SNTN: variants seen among roughly 807,000 people sequenced by gnomAD.
SNTN encodes sentan, cilia apical structure protein, also known as sentan.
A neutral mutation model predicts 12.3 loss-of-function variants in SNTN; 13 were observed. The observed-to-expected ratio is 1.05, with a 90% CI of 0.69 to 1.67. The LOEUF is 1.67. Ranked by LOEUF, SNTN falls within the 40% of genes most tolerant of loss-of-function variation. The pLI is 0.00. For synonymous variants in SNTN, 69 were observed against 58.5 expected (o/e 1.18, Z -0.82); for missense variants, 189 against 169.8 (o/e 1.11, Z -0.63).
intron 2 of SNTN, among the ~76,000 whole-genome samples, chr3:63,657,533 G>A (rs1410433170): frequency 2.0e-5 from 3 of 152,190 alleles, no homozygotes; most frequent in Admixed American, 1.3e-4. Context: ...AACAACCAGA[G>A]TTCCTCGTTA....
intron 2 of SNTN, among the ~76,000 whole-genome samples, chr3:63,659,015 A>G (rs572590195): frequency 6.6e-6 from 1 of 152,236 alleles, no homozygotes; most frequent in South Asian, 2.1e-4. Context: ...TAAACATGTA[A>G]TATCTGTAAA....
chr3:63,659,986 C>A, intron 3 of SNTN, 122 bp downstream of exon 3: 1 of 1,177,994 alleles, frequency 8.5e-7, no homozygotes, highest in Non-Finnish European at 1.2e-6. Context: ...TTATTGAACA[C>A]CTACCTTATG....
intron 2 of SNTN, among the ~76,000 whole-genome samples, chr3:63,656,032 A>T (rs1700676049): frequency 6.6e-6 from 1 of 152,212 alleles, no homozygotes; most frequent in Admixed American, 6.5e-5. Flanking sequence ...TCTGATATAT[A>T]CTACCTATGT....
chr3:63,661,003 A>T (rs12487866), intron 3 of SNTN, among the ~76,000 whole-genome samples: 25,935 of 152,228 alleles, frequency 0.17, 2,264 homozygotes, highest in South Asian at 0.2. Context: ...TGTGTTGCTT[A>T]GAACTTTTCC....
At chr3:63,653,317 C>T (rs2106936857) in intron 1 of SNTN, among the ~76,000 whole-genome samples, 1 of 152,142 alleles carries the variant, frequency 6.6e-6, no homozygotes, top group African/African-American at 2.4e-5. Context: ...CCTTGAGACC[C>T]TTCTCAATCA....
intron 3 of SNTN, among the ~76,000 whole-genome samples, chr3:63,663,096 A>T (rs1700759049): frequency 6.6e-6 from 1 of 152,206 alleles, no homozygotes; most frequent in South Asian, 2.1e-4. Flanking sequence ...AACCCATAGA[A>T]GATACCTTCC....
Position 63,661,645 on chromosome 3 carries a change from TG to T in SNTN, c.285+1782del, listed in dbSNP as rs376818919. Among the ~76,000 whole-genome samples, 860 of 151,198 alleles carry T rather than the reference TG, an allele frequency of 5.7e-3. 9 individuals carry two copies. Among genetic ancestry groups the T allele is most frequent in the African/African-American group, 0.02 (830 of 41,478 alleles). ...TTTTCTAAATGTTCTATATTAAACA[TG>T]TATTTTTCTGATTTTTTTTTTTTGG... On this transcript the variant is annotated intron_variant, in intron 3 of 3. Coordinates refer to ENST00000343837, the MANE Select transcript of SNTN (RefSeq NM_001080537.2).
In SNTN at chr3:63,664,227, T is replaced by A; in HGVS notation, c.*132T>A. On this transcript the variant is annotated 3_prime_UTR_variant, in exon 4 of 4. Coordinates refer to ENST00000343837, the MANE Select transcript of SNTN (RefSeq NM_001080537.2). Reference sequence around the variant, plus strand: ...CCTAGGATGGTTCTGATTGCTGGTATTCAGATCCAATGTAACTCCAAATAT... The same window carrying A: ...CCTAGGATGGTTCTGATTGCTGGTAATCAGATCCAATGTAACTCCAAATAT... 6.1e-6 allele frequency: 5 copies of A among 814,064 alleles called. No homozygotes were observed. The highest frequency in any genetic ancestry group is 9.4e-6 in the Non-Finnish European group (5 of 533,762). 50.4% of individuals were successfully genotyped at this position (814,064 alleles called of 1,614,324 possible).
Position 63,664,051 on chromosome 3 carries a change from T to C in SNTN, c.400T>C (p.Ser134Pro). 1.2e-6 allele frequency: 2 copies of C among 1,613,306 alleles called. No homozygotes were observed. Among genetic ancestry groups the C allele is most frequent in the Non-Finnish European group, 1.7e-6 (2 of 1,179,762 alleles). Residue 134 changes from serine to proline, a missense_variant, in exon 4 of 4, where the codon TCA (serine) becomes CCA (proline). Coordinates refer to ENST00000343837, the MANE Select transcript of SNTN (RefSeq NM_001080537.2). Reference protein sequence around the residue: ...MILLLSITVMSDLLQNIRNVK... With the variant: ...MILLLSITVMPDLLQNIRNVK... ...CTTGCTCTTAAGCATCACTGTCATG[T>C]CAGATCTGCTACAAAATATACGGAA...
intron 3 of SNTN, among the ~76,000 whole-genome samples, chr3:63,660,691 G>A (rs1237478550): frequency 6.6e-6 from 1 of 152,138 alleles, no homozygotes; most frequent in Non-Finnish European, 1.5e-5. Context: ...TCCTAGAGAA[G>A]AAAAAGGCTA....
At position 63,664,983 on chromosome 3, in the gene SNTN, T is replaced by C. The variant is rs1461117643; in HGVS notation, c.*888T>C. Among the ~76,000 whole-genome samples the C allele has an allele frequency of 6.6e-6, 1 of 152,064 alleles. No homozygotes were observed. The highest frequency in any genetic ancestry group is 1.5e-5 in the Non-Finnish European group (1 of 68,006). ...GTCGGCCAGGCTGGTCTCGAACTCC[T>C]GACCTCAGGTGATCCGCCCACAGCC... On this transcript the variant is annotated 3_prime_UTR_variant, in exon 4 of 4. Transcript: ENST00000343837.
Position 63,658,371 on chromosome 3 carries a change from C to T in SNTN, c.146-1354C>T, listed in dbSNP as rs534169353. On this transcript the variant is annotated intron_variant, in intron 2 of 3. Transcript: ENST00000343837. ...CTGTAATTTTTTTCCTGTCTCTGTA[C>T]CTTCCTTGCCTCATACATCACAAGT... 5.4e-5 allele frequency among the ~76,000 whole-genome samples: 8 copies of T among 148,904 alleles called. No homozygotes were observed. In the South Asian group the frequency reaches 1.7e-3, roughly 32 times the overall value.
chr3:63,655,625 C>T (rs921252084), intron 2 of SNTN, among the ~76,000 whole-genome samples: 1 of 152,074 alleles, frequency 6.6e-6, no homozygotes, highest in Non-Finnish European at 1.5e-5. Flanking sequence ...GTAACTCGGT[C>T]ACCTCCACCA....
At chr3:63,660,283 G>A (rs776480151) in intron 3 of SNTN, among the ~76,000 whole-genome samples, 2 of 152,108 alleles carry the variant, frequency 1.3e-5, no homozygotes, top group Admixed American at 1.3e-4. Flanking sequence ...GGTGAGAAGG[G>A]ATGGGACGGT....
intron 2 of SNTN, among the ~76,000 whole-genome samples, chr3:63,658,602 T>A (rs2106941274): frequency 6.6e-6 from 1 of 151,984 alleles, no homozygotes; most frequent in South Asian, 2.1e-4. Context: ...AGGGTCTTGC[T>A]ATGTTGACCA....
intron 1 of SNTN, 85 bp from the exon 2 acceptor site, chr3:63,654,677 T>A: frequency 8.3e-7 from 1 of 1,207,278 alleles, no homozygotes; most frequent in Non-Finnish European, 1.2e-6. Flanking sequence ...AAACAATTTT[T>A]AAATCATTAT....
intron 1 of SNTN, 79 bp from the exon 2 acceptor site, chr3:63,654,683 A>G: frequency 1.6e-6 from 2 of 1,238,562 alleles, no homozygotes. Flanking sequence ...TTTTTAAATC[A>G]TTATATTGCT....
intron 1 of SNTN, among the ~76,000 whole-genome samples, chr3:63,653,362 T>G (rs1052795175): frequency 6.6e-6 from 1 of 152,092 alleles, no homozygotes; most frequent in Non-Finnish European, 1.5e-5. Context: ...ATGTTACCAG[T>G]GCACATTGTG....
chr3:63,659,799 G>C lies in SNTN; in HGVS notation c.220G>C (p.Asp74His). 1 of 1,614,010 alleles carries C rather than the reference G, an allele frequency of 6.2e-7. No homozygotes were observed. Among genetic ancestry groups the C allele is most frequent in the Non-Finnish European group, 8.5e-7 (1 of 1,179,938 alleles). ...GATTTTCAGAAATTCTTCTGACTCT[G>C]ATGGTAAACTTGAAAAAGCTATTGC... ...ALIFRNSSDS[D>H]GKLEKAIAKD... is the part of the protein sequence containing the mutation. The change falls in exon 3 of 4, where the codon GAT (aspartate) becomes CAT (histidine). Residue 74 changes from aspartate (D) to histidine (H), a missense_variant. By Grantham distance (81) the Asp-to-His change is moderately conservative. Transcript: ENST00000343837.
Sources: gnomAD v4.1 joint callset for allele counts (sites outside exome capture counted in the v4.1 genomes callset) on GRCh38, gnomAD v4.1.1 for gene constraint, MANE v1.5 for transcripts, NCBI Gene and HGNC (gene_info 2026-07-23, HGNC 2026-07-21) for gene names.